The following PTK2B variants were observed in gnomAD, a reference collection of about 807,000 sequenced individuals.
PTK2B encodes protein tyrosine kinase 2 beta, also known as protein-tyrosine kinase 2-beta.
Under a neutral mutation model 142.9 loss-of-function variants are expected in PTK2B, and 71 were observed. The ratio of observed to expected loss-of-function variants is 0.50; its 90% CI spans 0.41 to 0.61. The LOEUF is 0.61. Among genes scored for constraint, PTK2B ranks in the 20% least tolerant of loss-of-function variants. PTK2B has a pLI of 0.00. For missense variants in PTK2B, 1,105 were observed against 1,320.4 expected, an observed-to-expected ratio of 0.84 and a Z score of 2.53; for synonymous variants, 519 against 503.4, an observed-to-expected ratio of 1.03 and a Z score of -0.42.
chr8:27,403,053 C>A (rs1022596320), intron 2 of PTK2B, among the ~76,000 whole-genome samples: 9 of 152,186 alleles, frequency 5.9e-5, no homozygotes, highest in Non-Finnish European at 8.8e-5. Context: ...TTGTCTGGGA[C>A]CCTCTTGGAG....
At chr8:27,336,019 C>T (rs140728085) in intron 1 of PTK2B, among the ~76,000 whole-genome samples, 6 of 152,230 alleles carry the variant, frequency 3.9e-5, no homozygotes, top group East Asian at 1.9e-4. Context: ...GTCTCAGGCT[C>T]GTGAGGTGCT....
At chr8:27,332,314 A>C (rs565063661) in intron 1 of PTK2B, among the ~76,000 whole-genome samples, 13 of 152,180 alleles carry the variant, frequency 8.5e-5, no homozygotes, top group Non-Finnish European at 1.5e-4. Context: ...CTGCCTCCCT[A>C]ATAGGGTAAT....
intron 24 of PTK2B, 113 bp from the exon 25 acceptor site, chr8:27,450,636 G>C: frequency 7.5e-7 from 1 of 1,340,534 alleles, no homozygotes; most frequent in Non-Finnish European, 1.0e-6. Context: ...GAAAAAAGCA[G>C]CTGGCCAGGC....
At chr8:27,396,200 A>T (rs1239799080) in intron 1 of PTK2B, 1 of 152,158 alleles carries the variant, frequency 6.6e-6, no homozygotes, top group Non-Finnish European at 1.5e-5. Context: ...TTCACTTTTT[A>T]AAAAAGGAAT....
intron 1 of PTK2B, among the ~76,000 whole-genome samples, chr8:27,383,874 G>GTTTTTTTTTTTT (rs1807183945): frequency 1.5e-5 from 1 of 64,976 alleles, no homozygotes; most frequent in East Asian, 3.4e-4. Flanking sequence ...TTGAGACAGA[G>GTTTTTTTTTTTT]TTTCACTCCT....
At position 27,439,374 on chromosome 8, in the gene PTK2B, A is replaced by G. The variant is rs762219267; in HGVS notation, c.1810A>G (p.Thr604Ala). The change falls in exon 20 of 31, where the codon ACA becomes GCA. Residue 604 changes from threonine to alanine, a missense_variant. Coordinates refer to ENST00000346049, the MANE Select transcript of PTK2B (RefSeq NM_173176.3). ...GTCCATTAACTTCCGACGCTTCACG[A>G]CAGCCAGTGACGTCTGGATGTTCGG... is the stretch of plus-strand genomic sequence containing the variant. ...PESINFRRFT[T>A]ASDVWMFAVC... 4 of 1,613,868 alleles carry G rather than the reference A, an allele frequency of 2.5e-6. No homozygotes were observed. The highest frequency in any genetic ancestry group is 3.4e-6 in the Non-Finnish European group (4 of 1,179,780).
chr8:27,444,096 T>G (rs1811322052), intron 22 of PTK2B, 110 bp from the exon 23 acceptor site: 7 of 1,145,902 alleles, frequency 6.1e-6, no homozygotes, highest in African/African-American at 4.6e-5. Context: ...CCCTCAACTT[T>G]CCTTCCTTTG....
At chr8:27,378,895 T>C (rs1806840246) in intron 1 of PTK2B, among the ~76,000 whole-genome samples, 1 of 152,284 alleles carries the variant, frequency 6.6e-6, no homozygotes, top group Non-Finnish European at 1.5e-5. Flanking sequence ...CTGTTCTTTT[T>C]TCTGACTTCC....
At position 27,429,554 on chromosome 8, in the gene PTK2B, A is replaced by C. The variant is rs146600089; in HGVS notation, c.552-539A>C. Among the ~76,000 whole-genome samples the C allele has an allele frequency of 3.5e-3, 538 of 152,338 alleles. 7 individuals are homozygous for C. Among genetic ancestry groups the C allele is most frequent in the African/African-American group, 0.012 (505 of 41,568 alleles). Reference sequence around the variant, plus strand: ...ATGAGACTTAAATAATATGAGTAAAATATTAATAGCTGCCTCCTCTGGTAA... The same window carrying C: ...ATGAGACTTAAATAATATGAGTAAACTATTAATAGCTGCCTCCTCTGGTAA... On this transcript the variant is annotated intron_variant, in intron 5 of 30. Coordinates refer to ENST00000346049, the MANE Select transcript of PTK2B (RefSeq NM_173176.3).
intron 23 of PTK2B, among the ~76,000 whole-genome samples, chr8:27,444,476 G>C (rs1430305835): frequency 2.6e-5 from 4 of 152,060 alleles, no homozygotes; most frequent in Non-Finnish European, 5.9e-5. Context: ...GCTCAGCTAA[G>C]ACCTGCCTTA....
At chr8:27,314,566 CTT>C (rs1380597399) in intron 3 of PTK2B, among the ~76,000 whole-genome samples, 1 of 152,246 alleles carries the variant, frequency 6.6e-6, no homozygotes, top group African/African-American at 2.4e-5. Flanking sequence ...AAGTAAATAA[CTT>C]TGTAACTTTA....
At position 27,458,557 on chromosome 8, in the gene PTK2B, G is replaced by T; in HGVS notation, c.*48G>T. The T allele has an allele frequency of 6.5e-7, 1 of 1,529,028 alleles. No individual in the cohort carries two copies. The highest frequency in any genetic ancestry group is 8.8e-7 in the Non-Finnish European group (1 of 1,132,258). The allele number at this position is 1,529,028 out of a possible 1,614,324, so 94.7% of individuals were successfully genotyped here. On this transcript the variant is annotated 3_prime_UTR_variant, in exon 31 of 31. Transcript: ENST00000346049. ...TGCGTCTTCCGCCCCTGCCTGCCAT[G>T]TACCTCCCCTGCCTTGCTGTTGGTC...
chr8:27,418,081 T>C (rs987865736), intron 2 of PTK2B, among the ~76,000 whole-genome samples: 1 of 152,226 alleles, frequency 6.6e-6, no homozygotes, highest in Non-Finnish European at 1.5e-5. Context: ...CTCCAGGGCC[T>C]CAGTTCTGAT....
At chr8:27,431,981 A>AT (rs1810457675) in intron 9 of PTK2B, 1 of 367,462 alleles carries the variant, frequency 2.7e-6, no homozygotes. Context: ...ACATGTTGAG[A>AT]TTTTTTTGTG....
Position 27,422,372 on chromosome 8 carries a change from C to A in PTK2B, c.540C>A (p.Cys180Ter). The change falls in exon 5 of 31, where the codon TGC (cysteine) becomes TGA (stop). Residue 180 changes from cysteine to a stop codon, truncating the protein, a stop_gained. Coordinates refer to ENST00000346049, the MANE Select transcript of PTK2B (RefSeq NM_173176.3). LOFTEE classifies it high-confidence loss of function. Reference protein sequence around the residue: ...VSEGMALQLGCLELRRFFKDM... With the variant: ...VSEGMALQLG ...AGGGCATGGCCCTGCAGCTGGGCTG[C>A]CTGGAGCTCAGGTATGTGGCCCTGA... The A allele has an allele frequency of 6.2e-7, 1 of 1,612,834 alleles. No individual in the cohort carries two copies. Among genetic ancestry groups the A allele is most frequent in the Non-Finnish European group, 8.5e-7 (1 of 1,179,260 alleles).
At position 27,326,392 on chromosome 8, in the gene PTK2B, G is replaced by A. The variant is rs574599445; in HGVS notation, c.-38+711G>A. Among the ~76,000 whole-genome samples, 19 of 152,248 alleles carry A rather than the reference G, an allele frequency of 1.2e-4. No homozygotes were observed. In the South Asian group the frequency reaches 3.1e-3, roughly 25 times the overall value. On this transcript the variant is annotated intron_variant, in intron 1 of 30. Transcript: ENST00000346049. ...CGCTTTGGGTGGGTGAGCGTGGAGC[G>A]GCATATGGGTGATGTTCTGCAAGCC... is the stretch of plus-strand genomic sequence containing the variant.
At chr8:27,335,595 CA>C (rs900959610) in intron 1 of PTK2B, among the ~76,000 whole-genome samples, 6,392 of 74,304 alleles carry the variant, frequency 0.086, 269 homozygotes, top group African/African-American at 0.18. Flanking sequence ...AACACTGTCT[CA>C]AAAAAAAAAA....
chr8:27,438,040 G>A (rs1017737609), intron 18 of PTK2B, 160 bp downstream of exon 18: 38 of 637,206 alleles, frequency 6.0e-5, no homozygotes, highest in Admixed American at 3.2e-4. Flanking sequence ...CTCTGACCCT[G>A]TGTCCTCATC....
rs1044144086 is a variant in PTK2B, at chr8:27,363,076, C to T, written c.-37-34472C>T. Among the ~76,000 whole-genome samples, 1 of 152,190 alleles carries T rather than the reference C, an allele frequency of 6.6e-6. No homozygotes were observed. The highest frequency in any genetic ancestry group is 2.4e-5 in the African/African-American group (1 of 41,450). Reference sequence around the variant, plus strand: ...CGTCATGGTGGAAAATGACTAAAAACTCAGGATATCCCACTGGCCCTGGGC... The same window carrying T: ...CGTCATGGTGGAAAATGACTAAAAATTCAGGATATCCCACTGGCCCTGGGC... On this transcript the variant is annotated intron_variant, in intron 1 of 30. Coordinates refer to ENST00000346049, the MANE Select transcript of PTK2B (RefSeq NM_173176.3). The surrounding 1 kb of genome is among the most constrained non-coding windows in gnomAD (Gnocchi z 4.3).
Sources: gnomAD v4.1 joint callset for allele counts (sites outside exome capture counted in the v4.1 genomes callset) on GRCh38, gnomAD v4.1.1 for gene constraint, Gnocchi (gnomAD v3.1) non-coding constraint, MANE v1.5 for transcripts, NCBI Gene and HGNC (gene_info 2026-07-23, HGNC 2026-07-21) for gene names.